CSMD3: variants seen among roughly 807,000 people sequenced by gnomAD.
CSMD3 encodes CUB and sushi domain-containing protein 3.
Under a neutral mutation model 435.2 loss-of-function variants are expected in CSMD3, and 177 were observed. That is an observed-to-expected ratio of 0.41 (90% CI 0.36 to 0.46). The LOEUF (loss-of-function observed/expected upper bound fraction) is 0.46. Ranked by LOEUF, CSMD3 falls within the 20% of genes least tolerant of loss-of-function variation. The pLI, the probability that CSMD3 is intolerant of heterozygous loss-of-function variation, is 0.34. For synonymous variants in CSMD3, 1,656 were observed against 1,520.5 expected (o/e 1.09, Z -2.07); for missense variants, 4,265 against 4,504.6 (o/e 0.95, Z 1.52).
At chr8:112,390,880 C>T in intron 35 of CSMD3, 92 bp from the exon 36 acceptor site, 1 of 1,171,068 alleles carries the variant, frequency 8.5e-7, no homozygotes, top group South Asian at 1.3e-5. Context: ...TAGACAGATA[C>T]TAGACTTGCA....
chr8:113,227,953 A>G (rs149686622), intron 3 of CSMD3, among the ~76,000 whole-genome samples: 77 of 151,738 alleles, frequency 5.1e-4, no homozygotes, highest in African/African-American at 1.8e-3. Flanking sequence ...ATGACTAAAG[A>G]TCAAGCCACC....
intron 20 of CSMD3, among the ~76,000 whole-genome samples, chr8:112,640,920 T>C (rs2131596828): frequency 6.6e-6 from 1 of 152,256 alleles, no homozygotes; most frequent in South Asian, 2.1e-4. Flanking sequence ...TTTTTATTTT[T>C]TAAGAAAAAT....
intron 16 of CSMD3, among the ~76,000 whole-genome samples, chr8:112,674,754 C>G (rs1277036511): frequency 6.6e-6 from 1 of 152,068 alleles, no homozygotes; most frequent in Non-Finnish European, 1.5e-5. Flanking sequence ...CAAATATCCA[C>G]CTGGGAATTC....
intron 50 of CSMD3, among the ~76,000 whole-genome samples, chr8:112,306,491 A>G (rs959553300): frequency 1.3e-5 from 2 of 152,194 alleles, no homozygotes; most frequent in African/African-American, 4.8e-5. Flanking sequence ...TATGGATTAT[A>G]TGAGAATGCA....
At chr8:113,232,255 A>T (rs1022371477) in intron 3 of CSMD3, among the ~76,000 whole-genome samples, 1 of 151,644 alleles carries the variant, frequency 6.6e-6, no homozygotes, top group African/African-American at 2.4e-5. Context: ...CAAAATAATA[A>T]TCACCACATT....
At chr8:112,887,963 A>G (rs2081658808) in intron 10 of CSMD3, among the ~76,000 whole-genome samples, 1 of 151,728 alleles carries the variant, frequency 6.6e-6, no homozygotes, top group Non-Finnish European at 1.5e-5. Context: ...ACTTCCTGCA[A>G]TAAACCACAG....
intron 5 of CSMD3, among the ~76,000 whole-genome samples, chr8:113,076,317 C>T (rs1055983974): frequency 6.6e-6 from 1 of 151,776 alleles, no homozygotes. Flanking sequence ...TTTGCTGCCA[C>T]TGTCAAGGGC....
At chr8:113,339,558 T>C (rs978764705) in intron 1 of CSMD3, among the ~76,000 whole-genome samples, 1 of 152,046 alleles carries the variant, frequency 6.6e-6, no homozygotes, top group Non-Finnish European at 1.5e-5. Flanking sequence ...ATAATATAAT[T>C]TGATATTGGT....
At chr8:113,254,327 T>C (rs767944102) in intron 3 of CSMD3, among the ~76,000 whole-genome samples, 12 of 152,146 alleles carry the variant, frequency 7.9e-5, no homozygotes, top group African/African-American at 2.7e-4. Flanking sequence ...GCGTGCATGA[T>C]TGAATGTCAG....
intron 3 of CSMD3, among the ~76,000 whole-genome samples, chr8:113,203,052 G>A (rs956444092): frequency 2.0e-5 from 3 of 151,972 alleles, no homozygotes; most frequent in South Asian, 2.1e-4. Flanking sequence ...CTAGAGTTCT[G>A]TACTACTGTA....
chr8:112,908,100 C>T (rs186046488), intron 10 of CSMD3, among the ~76,000 whole-genome samples: 417 of 151,472 alleles, frequency 2.8e-3, no homozygotes, highest in African/African-American at 9.6e-3. Flanking sequence ...TGTCTGACTA[C>T]CATTGAATAC....
At chr8:113,189,499 A>G (rs903493023) in intron 3 of CSMD3, among the ~76,000 whole-genome samples, 3 of 151,828 alleles carry the variant, frequency 2.0e-5, no homozygotes, top group African/African-American at 7.2e-5. Flanking sequence ...GTGAGAATTA[A>G]GTATTACTGG....
chr8:112,341,563 G>A lies in CSMD3; in HGVS notation c.6566C>T (p.Ser2189Phe), dbSNP rs2130992042. The part of the protein sequence containing the change: ...GRLSGPQIPS[S>F]LFSTTHETSL... ...GGTTTCATGGGTGGTGCTGAATAAG[G>A]AAGATGGTATTTGAGGACCACTAAG... The change falls in exon 42 of 71, where the codon TCC becomes TTC. Residue 2189 changes from serine to phenylalanine, a missense_variant. Physicochemically the swap from Ser to Phe is radical, Grantham distance 155 (BLOSUM62 -2). Coordinates refer to ENST00000297405, the MANE Select transcript of CSMD3 (RefSeq NM_198123.2). 1.2e-6 allele frequency: 2 copies of A among 1,613,334 alleles called. No homozygotes were observed. The highest frequency in any genetic ancestry group is 2.2e-5 in the East Asian group (1 of 44,840).
At chr8:113,401,721 A>G (rs1027628422) in intron 1 of CSMD3, among the ~76,000 whole-genome samples, 1 of 151,700 alleles carries the variant, frequency 6.6e-6, no homozygotes, top group African/African-American at 2.4e-5. Flanking sequence ...CATGGACTGC[A>G]TAACAATATT....
Position 112,368,702 on chromosome 8 carries a change from G to A in CSMD3, c.6136+11650C>T, listed in dbSNP as rs144117389. Among the ~76,000 whole-genome samples, 1,480 of 152,142 alleles carry A rather than the reference G, an allele frequency of 9.7e-3. 14 individuals are homozygous for A. The highest frequency in any genetic ancestry group is 0.016 in the Admixed American group (237 of 15,280). On this transcript the variant is annotated intron_variant, in intron 38 of 70. Coordinates refer to ENST00000297405, the MANE Select transcript of CSMD3 (RefSeq NM_198123.2). ...ATGAAGATGAAAAATTATGGGAGGA[G>A]GTTATAAGTAGGGATATAATACAGG...
At chr8:112,853,761 C>T (rs990786278) in intron 11 of CSMD3, among the ~76,000 whole-genome samples, 1 of 152,192 alleles carries the variant, frequency 6.6e-6, no homozygotes, top group Admixed American at 6.5e-5. Context: ...TGTAGCTTTT[C>T]CCTTTTACTT....
intron 9 of CSMD3, among the ~76,000 whole-genome samples, chr8:112,941,261 G>T (rs1035188124): frequency 3.3e-5 from 5 of 151,770 alleles, no homozygotes; most frequent in African/African-American, 1.2e-4. Flanking sequence ...AACTATGTGG[G>T]ACAATTTGTT....
intron 21 of CSMD3, among the ~76,000 whole-genome samples, chr8:112,637,500 G>A (rs1235817637): frequency 6.6e-6 from 1 of 152,068 alleles, no homozygotes; most frequent in Non-Finnish European, 1.5e-5. Context: ...GATTTGAGAT[G>A]CAAGGGTTTA....
At chr8:112,747,183 CTTTTTTTTTTTTTTTTTTTTTT>C (rs71309787) in intron 13 of CSMD3, among the ~76,000 whole-genome samples, 1 of 26,942 alleles carries the variant, frequency 3.7e-5, no homozygotes, top group South Asian at 1.4e-3. Flanking sequence ...GCACACTTCC[CTTTTTTTTTTTTTTTTTTTTTT>C]TTTTTTTTTT....
Sources: allele counts gnomAD v4.1 joint callset (sites outside exome capture counted in the v4.1 genomes callset), GRCh38; gene constraint gnomAD v4.1.1; transcripts MANE v1.5; gene names NCBI Gene and HGNC (gene_info 2026-07-23, HGNC 2026-07-21).